Variants in KLHL32 observed in about 807,000 individuals in gnomAD.
The protein encoded by KLHL32 is kelch-like protein 32.
KLHL32 carries 35 observed loss-of-function variants against 64.8 expected under a neutral mutation model. The ratio of observed to expected loss-of-function variants is 0.54; its 90% CI spans 0.41 to 0.72. KLHL32 has a LOEUF of 0.72. KLHL32 is among the 30% of genes least tolerant of loss of function. The pLI, the probability that KLHL32 is intolerant of heterozygous loss-of-function variation, is 0.00. For synonymous variants in KLHL32, 259 were observed against 281.0 expected (o/e 0.92, Z 0.78); for missense variants, 589 against 768.5 (o/e 0.77, Z 2.76).
intron 5 of KLHL32, among the ~76,000 whole-genome samples, chr6:97,072,876 A>G (rs9374335): frequency 0.38 from 57,638 of 152,000 alleles, 11,630 homozygotes; most frequent in East Asian, 0.45. Context: ...TCCCCAAGAC[A>G]TAAGTTTATG....
chr6:97,088,251 G>A (rs898348908), intron 6 of KLHL32, among the ~76,000 whole-genome samples: 4 of 152,100 alleles, frequency 2.6e-5, no homozygotes, highest in African/African-American at 9.7e-5. Flanking sequence ...TTGGTTTTAT[G>A]TTTCAAGGCC....
chr6:96,965,458 ATTAG>A (rs1278645887), intron 1 of KLHL32, among the ~76,000 whole-genome samples: 11 of 152,250 alleles, frequency 7.2e-5, no homozygotes, highest in Admixed American at 4.6e-4. Context: ...AGTTAGACTT[ATTAG>A]TTAGATGCCA....
intron 4 of KLHL32, among the ~76,000 whole-genome samples, chr6:97,050,928 G>A (rs891608211): frequency 9.9e-5 from 15 of 152,090 alleles, no homozygotes; most frequent in Admixed American, 2.6e-4. Context: ...GCTTGAACTC[G>A]GGAAGTGGAG....
At chr6:96,909,175 G>A in the KLHL32 span, among the ~76,000 whole-genome samples, 3 of 152,028 alleles carry the variant, frequency 2.0e-5, no homozygotes, top group African/African-American at 7.2e-5. Flanking sequence ...ACCTGCCTTG[G>A]GTCAAGTGCC....
intron 7 of KLHL32, among the ~76,000 whole-genome samples, chr6:97,122,198 A>G (rs1322709201): frequency 1.3e-5 from 2 of 152,226 alleles, no homozygotes; most frequent in Non-Finnish European, 2.9e-5. Flanking sequence ...GCTCTAAATG[A>G]CATAATTTCT....
At chr6:97,010,955 G>A (rs1780332627) in intron 3 of KLHL32, among the ~76,000 whole-genome samples, 1 of 152,192 alleles carries the variant, frequency 6.6e-6, no homozygotes, top group Non-Finnish European at 1.5e-5. Flanking sequence ...ACCAGTGGAT[G>A]TGTGGAAGCA....
At chr6:97,123,051 A>G (rs1240975895) in intron 7 of KLHL32, among the ~76,000 whole-genome samples, 3 of 152,318 alleles carry the variant, frequency 2.0e-5, no homozygotes, top group Admixed American at 6.5e-5. Context: ...GTGCGTTAGC[A>G]CTGCATTACG....
intron 3 of KLHL32, among the ~76,000 whole-genome samples, chr6:97,022,037 G>A (rs1240176076): frequency 6.6e-6 from 1 of 150,826 alleles, no homozygotes; most frequent in Non-Finnish European, 1.5e-5. Context: ...CTACCATTAT[G>A]TTTTGCCTGG....
intron 4 of KLHL32, among the ~76,000 whole-genome samples, chr6:97,046,608 A>G (rs937039720): frequency 6.6e-6 from 1 of 152,184 alleles, no homozygotes; most frequent in African/African-American, 2.4e-5. Flanking sequence ...ACAACATCCA[A>G]GAAAGTTTGG....
At chr6:96,908,139 G>A in the KLHL32 span, among the ~76,000 whole-genome samples, 1 of 152,190 alleles carries the variant, frequency 6.6e-6, no homozygotes. Context: ...GGGCAGCAAA[G>A]CTACCAATGG....
chr6:96,956,251 T>A (rs1773263696), intron 1 of KLHL32, among the ~76,000 whole-genome samples: 1 of 152,154 alleles, frequency 6.6e-6, no homozygotes, highest in Non-Finnish European at 1.5e-5. Flanking sequence ...GAGATTTGGG[T>A]GGGGAAACAG....
chr6:97,038,350 A>T (rs1784600032), intron 3 of KLHL32, among the ~76,000 whole-genome samples: 12 of 152,006 alleles, frequency 7.9e-5, no homozygotes, highest in Admixed American at 7.9e-4. Flanking sequence ...CAATTTAAAA[A>T]TGGGCAAAAA....
At chr6:96,946,340 A>G (rs1771915697) in intron 1 of KLHL32, among the ~76,000 whole-genome samples, 1 of 152,036 alleles carries the variant, frequency 6.6e-6, no homozygotes, top group African/African-American at 2.4e-5. Context: ...TAAAGCACTT[A>G]TTATCTCGTG....
chr6:96,971,646 G>A (rs1055917063), intron 2 of KLHL32, among the ~76,000 whole-genome samples: 5 of 151,964 alleles, frequency 3.3e-5, no homozygotes, highest in Non-Finnish European at 5.9e-5. Context: ...TTGCATGAGG[G>A]CCTATGTGGG....
intron 6 of KLHL32, among the ~76,000 whole-genome samples, chr6:97,097,487 G>A (rs1795140800): frequency 6.6e-6 from 1 of 152,150 alleles, no homozygotes; most frequent in African/African-American, 2.4e-5. Flanking sequence ...ATATTGCACG[G>A]ATATAGTTTG....
At chr6:96,908,558 C>T in the KLHL32 span, among the ~76,000 whole-genome samples, 1 of 152,160 alleles carries the variant, frequency 6.6e-6, no homozygotes, top group African/African-American at 2.4e-5. Flanking sequence ...AGATTCTTAT[C>T]AAAAAGCAAG....
At chr6:97,073,356 C>T (rs893900338) in intron 5 of KLHL32, among the ~76,000 whole-genome samples, 4 of 152,304 alleles carry the variant, frequency 2.6e-5, no homozygotes, top group Admixed American at 2.6e-4. Context: ...TGAACCGTCA[C>T]TTTCTTTCTG....
chr6:96,906,480 C>T, the KLHL32 span, among the ~76,000 whole-genome samples: 1 of 152,046 alleles, frequency 6.6e-6, no homozygotes, highest in African/African-American at 2.4e-5. Context: ...GAGTGAAGGT[C>T]TCTTGAGTGG....
At chr6:96,927,312 A>G (rs1367438174) in intron 1 of KLHL32, among the ~76,000 whole-genome samples, 1 of 152,246 alleles carries the variant, frequency 6.6e-6, no homozygotes, top group East Asian at 1.9e-4. Context: ...TGAGCCTTTA[A>G]TGAAAATGTC....
Sources: allele counts gnomAD v4.1 joint callset (sites outside exome capture counted in the v4.1 genomes callset), GRCh38; gene constraint gnomAD v4.1.1; transcripts MANE v1.5; gene names NCBI Gene and HGNC (gene_info 2026-07-23, HGNC 2026-07-21).